The following SULF1 variants were observed in gnomAD, a reference collection of about 807,000 sequenced individuals.
SULF1 encodes sulfatase 1, also known as extracellular sulfatase Sulf-1.
Under a neutral mutation model 110.5 loss-of-function variants are expected in SULF1, and 46 were observed. The ratio of observed to expected loss-of-function variants is 0.42; its 90% CI spans 0.33 to 0.53. The LOEUF is 0.53. Ranked by LOEUF, SULF1 falls within the 20% of genes least tolerant of loss-of-function variation. The probability of loss-of-function intolerance (pLI) is 0.12; values close to 1 mark genes in which losing one functional copy is unlikely to be tolerated. For synonymous variants in SULF1, 371 were observed against 387.1 expected, an observed-to-expected ratio of 0.96 and a Z score of 0.49; for missense variants, 941 against 1,094.2, an observed-to-expected ratio of 0.86 and a Z score of 1.98.
chr8:69,473,250 C>T (rs1809164205), intron 1 of SULF1: 2 of 152,170 alleles, frequency 1.3e-5, no homozygotes, highest in Admixed American at 1.3e-4. Flanking sequence ...AGGTACAAAC[C>T]TGTAGGAAAC....
chr8:69,616,224 A>AT (rs1304398416), intron 13 of SULF1, among the ~76,000 whole-genome samples: 1 of 145,408 alleles, frequency 6.9e-6, no homozygotes, highest in African/African-American at 2.6e-5. Flanking sequence ...ATATATATAT[A>AT]TATATATTTT....
chr8:69,571,591 C>T (rs775385539), intron 5 of SULF1, among the ~76,000 whole-genome samples: 3 of 152,144 alleles, frequency 2.0e-5, no homozygotes, highest in Non-Finnish European at 2.9e-5. Flanking sequence ...GAATCAGCAC[C>T]GTTTGCATTT....
chr8:69,499,387 A>G lies in SULF1; in HGVS notation c.-228-2487A>G, dbSNP rs932527819. The stretch of plus-strand genomic sequence containing the variant: ...TGATGCTGTTTTGCTGAAACTAAAG[A>G]ATAAATTTGTTTTAACTAAGTATTC... On this transcript the variant is annotated intron_variant, in intron 2 of 22. Coordinates refer to ENST00000402687, the MANE Select transcript of SULF1 (RefSeq NM_001128205.2). Among the ~76,000 whole-genome samples, 3 of 152,352 alleles carry G rather than the reference A, an allele frequency of 2.0e-5. No individual in the cohort carries two copies. The East Asian group carries it at 5.8e-4, about 29-fold the overall frequency.
intron 10 of SULF1, among the ~76,000 whole-genome samples, chr8:69,602,860 C>T (rs1391061414): frequency 6.6e-6 from 1 of 152,096 alleles, no homozygotes; most frequent in Non-Finnish European, 1.5e-5. Flanking sequence ...AGCTCTTGTT[C>T]AACGGAAAAG....
chr8:69,620,082 A>G (rs965586624), intron 13 of SULF1, among the ~76,000 whole-genome samples: 2 of 152,030 alleles, frequency 1.3e-5, no homozygotes, highest in Non-Finnish European at 2.9e-5. Flanking sequence ...TCTCAGTGGG[A>G]CGGATGGGGA....
At position 69,555,420 on chromosome 8, in the gene SULF1, G is replaced by A. The variant is rs571815330; in HGVS notation, c.-133-8119G>A. Among the ~76,000 whole-genome samples the A allele has an allele frequency of 5.3e-5, 8 of 152,380 alleles. No individual in the cohort carries two copies. In the South Asian group the frequency reaches 1.2e-3, roughly 24 times the overall value. On this transcript the variant is annotated intron_variant, in intron 3 of 22. Transcript: ENST00000402687. ...CGCCTGTAATCCCAGCACTTTGGGA[G>A]GCCGGGACAGGCAGATCACTTGAGG...
At chr8:69,583,306 G>A (rs1416597123) in intron 6 of SULF1, among the ~76,000 whole-genome samples, 2 of 151,970 alleles carry the variant, frequency 1.3e-5, no homozygotes, top group Non-Finnish European at 2.9e-5. Context: ...CCTCATGCCT[G>A]TAATCCCAGC....
chr8:69,490,348 C>A (rs1273897721), upstream of SULF1, among the ~76,000 whole-genome samples: 1 of 152,178 alleles, frequency 6.6e-6, no homozygotes, highest in Non-Finnish European at 1.5e-5. Flanking sequence ...GCAATCCACC[C>A]GCCTTGGCCT....
At chr8:69,638,135 C>A in intron 19 of SULF1, 1 of 206,304 alleles carries the variant, frequency 4.8e-6, no homozygotes, top group Non-Finnish European at 9.6e-6. Flanking sequence ...ATTAAATAAC[C>A]ATTTTTCTTT....
At chr8:69,543,550 A>G (rs1009520729) in intron 3 of SULF1, among the ~76,000 whole-genome samples, 1 of 152,110 alleles carries the variant, frequency 6.6e-6, no homozygotes, top group African/African-American at 2.4e-5. Flanking sequence ...AAAGGACATG[A>G]TCTTGTTCTT....
At chr8:69,475,661 T>C (rs925891064) in intron 1 of SULF1, among the ~76,000 whole-genome samples, 11 of 152,186 alleles carry the variant, frequency 7.2e-5, no homozygotes, top group Non-Finnish European at 1.3e-4. Context: ...ATGGTCATTA[T>C]GGAACAAATG....
At chr8:69,529,216 G>A (rs1812918823) in intron 3 of SULF1, among the ~76,000 whole-genome samples, 2 of 152,116 alleles carry the variant, frequency 1.3e-5, no homozygotes, top group South Asian at 4.1e-4. Flanking sequence ...TATGCTAGGT[G>A]CCAAAACAAT....
At chr8:69,559,372 C>A (rs78782048) in intron 3 of SULF1, among the ~76,000 whole-genome samples, 1 of 152,206 alleles carries the variant, frequency 6.6e-6, no homozygotes, top group East Asian at 1.9e-4. Flanking sequence ...CTGAACTATG[C>A]GAATATTCTA....
intron 17 of SULF1, 85 bp downstream of exon 17, chr8:69,627,951 C>A: frequency 9.6e-7 from 1 of 1,041,418 alleles, no homozygotes; most frequent in Non-Finnish European, 1.5e-6. Context: ...ATTTTTCTCT[C>A]TTACCTATAG....
intron 5 of SULF1, among the ~76,000 whole-genome samples, chr8:69,567,188 A>C (rs1815945305): frequency 6.6e-6 from 1 of 152,148 alleles, no homozygotes; most frequent in Non-Finnish European, 1.5e-5. Flanking sequence ...ACCACAGTGA[A>C]CTGTGGGTTG....
At chr8:69,543,321 C>G (rs577088032) in intron 3 of SULF1, among the ~76,000 whole-genome samples, 2 of 152,030 alleles carry the variant, frequency 1.3e-5, no homozygotes, top group South Asian at 4.2e-4. Flanking sequence ...CATCCATCAC[C>G]GAGGCATTAA....
intron 19 of SULF1, among the ~76,000 whole-genome samples, chr8:69,634,474 G>T (rs1472696271): frequency 6.6e-6 from 1 of 152,114 alleles, no homozygotes; most frequent in South Asian, 2.1e-4. Context: ...AAAAGTTTAA[G>T]AGCGTAAAAG....
At chr8:69,547,368 A>G (rs542507690) in intron 3 of SULF1, among the ~76,000 whole-genome samples, 1 of 152,322 alleles carries the variant, frequency 6.6e-6, no homozygotes, top group Non-Finnish European at 1.5e-5. Flanking sequence ...GATATAAGAA[A>G]CCACCTAAGC....
At chr8:69,504,625 A>G (rs1443933267) in intron 3 of SULF1, among the ~76,000 whole-genome samples, 2 of 152,178 alleles carry the variant, frequency 1.3e-5, no homozygotes, top group African/African-American at 4.8e-5. Context: ...AATTTAACAT[A>G]CAGAACATTT....
Sources: allele counts gnomAD v4.1 joint callset (sites outside exome capture counted in the v4.1 genomes callset), GRCh38; gene constraint gnomAD v4.1.1; transcripts MANE v1.5; gene names NCBI Gene and HGNC (gene_info 2026-07-23, HGNC 2026-07-21).